ATXN1: variants seen among roughly 807,000 people sequenced by gnomAD.
ATXN1 encodes ataxin 1, also known as ataxin-1.
ATXN1 carries 8 observed loss-of-function variants against 56.4 expected under a neutral mutation model. That is an observed-to-expected ratio of 0.14 (90% CI 0.08 to 0.26). The LOEUF (loss-of-function observed/expected upper bound fraction) is 0.26, where lower values mean the gene tolerates loss of function less well. Ranked by LOEUF, ATXN1 falls within the 10% of genes least tolerant of loss-of-function variation. The probability of loss-of-function intolerance (pLI) is 1.00; values close to 1 mark genes in which losing one functional copy is unlikely to be tolerated. For synonymous variants in ATXN1, 514 were observed against 494.6 expected, an observed-to-expected ratio of 1.04 and a Z score of -0.52; for missense variants, 987 against 1,106.5, an observed-to-expected ratio of 0.89 and a Z score of 1.53.
intron 3 of ATXN1, among the ~76,000 whole-genome samples, chr6:16,591,444 T>C (rs993198088): frequency 2.6e-5 from 4 of 152,226 alleles, no homozygotes; most frequent in Non-Finnish European, 4.4e-5. Flanking sequence ...AAATTTACTA[T>C]TAATTTCATT....
At position 16,596,027 on chromosome 6, in the gene ATXN1, T is replaced by C. The variant is rs142729700; in HGVS notation, c.-488-10120A>G. Among the ~76,000 whole-genome samples, 253 of 152,320 alleles carry C rather than the reference T, an allele frequency of 1.7e-3. 1 individual carries two copies. Among genetic ancestry groups the C allele is most frequent in the African/African-American group, 5.8e-3 (240 of 41,576 alleles). ...GTTTTTTTATTTTTCAGAGACTGAA[T>C]CTAGCTCTGTCACCCAGGCTGTGCA... On this transcript the variant is annotated intron_variant, in intron 3 of 7. Coordinates refer to ENST00000436367, the MANE Select transcript of ATXN1 (RefSeq NM_001128164.2).
chr6:16,508,427 C>T (rs1761020269), intron 5 of ATXN1, among the ~76,000 whole-genome samples: 1 of 152,106 alleles, frequency 6.6e-6, no homozygotes, highest in Non-Finnish European at 1.5e-5. Context: ...TATAGACAAA[C>T]TGGCCAAAAA....
intron 6 of ATXN1, among the ~76,000 whole-genome samples, chr6:16,355,035 C>CCTCT (rs766513391): frequency 6.6e-6 from 1 of 152,224 alleles, no homozygotes; most frequent in Non-Finnish European, 1.5e-5. Flanking sequence ...TTCTTTTTCT[C>CCTCT]CTCTCTTGGT....
chr6:16,713,145 C>CACATT (rs1483181098), intron 2 of ATXN1, among the ~76,000 whole-genome samples: 4 of 152,142 alleles, frequency 2.6e-5, no homozygotes, highest in African/African-American at 9.7e-5. Flanking sequence ...GCCATGTGAG[C>CACATT]ACATTAAACT....
At chr6:16,401,270 C>A (rs1435416044) in intron 6 of ATXN1, among the ~76,000 whole-genome samples, 1 of 152,244 alleles carries the variant, frequency 6.6e-6, no homozygotes, top group Non-Finnish European at 1.5e-5. Context: ...CATGGGAAGT[C>A]ATTAATTGTT....
At chr6:16,592,846 G>T (rs759264263) in intron 3 of ATXN1, among the ~76,000 whole-genome samples, 1 of 133,720 alleles carries the variant, frequency 7.5e-6, no homozygotes, top group African/African-American at 2.9e-5. Flanking sequence ...ATCTGAGCAG[G>T]TTGCACTGGT....
At chr6:16,554,154 A>ACAAAAATAATTTGGGGG (rs1761970315) in intron 4 of ATXN1, among the ~76,000 whole-genome samples, 2 of 152,250 alleles carry the variant, frequency 1.3e-5, no homozygotes, top group Non-Finnish European at 2.9e-5. Flanking sequence ...TAATCGAGGG[A>ACAAAAATAATTTGGGGG]CAAAAATAAT....
intron 4 of ATXN1, among the ~76,000 whole-genome samples, chr6:16,559,371 CAAA>C (rs377598266): frequency 4.4e-5 from 5 of 113,068 alleles, no homozygotes; most frequent in Non-Finnish European, 5.8e-5. Context: ...TGGAAACAAC[CAAA>C]AAAAAAAAAA....
At chr6:16,537,931 C>A (rs751248222) in intron 4 of ATXN1, among the ~76,000 whole-genome samples, 8 of 151,962 alleles carry the variant, frequency 5.3e-5, no homozygotes, top group Non-Finnish European at 2.9e-5. Flanking sequence ...GGTGATACCC[C>A]ATCTCTACTA....
intron 6 of ATXN1, among the ~76,000 whole-genome samples, chr6:16,376,113 A>C (rs573996724): frequency 2.0e-5 from 3 of 152,380 alleles, no homozygotes; most frequent in African/African-American, 7.2e-5. Flanking sequence ...AAATGATTCA[A>C]GAAGATATTC....
rs236943 is a variant in ATXN1, at chr6:16,566,650, A to T, written c.-361+19130T>A. Among the ~76,000 whole-genome samples, 5 of 151,986 alleles carry T rather than the reference A, an allele frequency of 3.3e-5. No homozygotes were observed. The South Asian group carries it at 8.3e-4, about 25-fold the overall frequency. On this transcript the variant is annotated intron_variant, in intron 4 of 7. Transcript: ENST00000436367. ...GGGCGGATCACGAGGTCAGGAGATCAAGACCATCCTGGCGAACACTGTGAA... is the reference window on the plus strand; with the variant it reads ...GGGCGGATCACGAGGTCAGGAGATCTAGACCATCCTGGCGAACACTGTGAA...
intron 3 of ATXN1, among the ~76,000 whole-genome samples, chr6:16,624,519 A>T (rs1561783608): frequency 6.6e-6 from 1 of 152,208 alleles, no homozygotes; most frequent in Non-Finnish European, 1.5e-5. Flanking sequence ...ACTTAAAAGC[A>T]AAAGTGGCGG....
At chr6:16,329,533 A>G (rs747066651) in intron 6 of ATXN1, among the ~76,000 whole-genome samples, 1 of 152,128 alleles carries the variant, frequency 6.6e-6, no homozygotes, top group Non-Finnish European at 1.5e-5. Flanking sequence ...TAAAAACCGA[A>G]TTTGATTATG....
In ATXN1 at chr6:16,469,363, T is replaced by C. The variant is rs117083616; in HGVS notation, c.-161+16609A>G. ...ATTAGTGAAGAACTAGGCAAGGGGTTAAAGAAAGCTTCTAAGATAGGATCT... is the reference window on the plus strand; with the variant it reads ...ATTAGTGAAGAACTAGGCAAGGGGTCAAAGAAAGCTTCTAAGATAGGATCT... On this transcript the variant is annotated intron_variant, in intron 6 of 7. Transcript: ENST00000436367. 1.0e-3 allele frequency among the ~76,000 whole-genome samples: 155 copies of C among 152,342 alleles called. 3 individuals are homozygous for C. In the East Asian group the frequency reaches 0.027, roughly 26 times the overall value.
intron 6 of ATXN1, among the ~76,000 whole-genome samples, chr6:16,372,834 T>G (rs1433213523): frequency 1.3e-5 from 2 of 152,188 alleles, no homozygotes; most frequent in Non-Finnish European, 2.9e-5. Context: ...GAGGATCACT[T>G]GAGCCTGGGA....
chr6:16,585,335 A>G (rs1301910677), intron 4 of ATXN1, among the ~76,000 whole-genome samples: 2 of 152,176 alleles, frequency 1.3e-5, no homozygotes, highest in African/African-American at 4.8e-5. Context: ...TGTTTACTCA[A>G]TGGTATACTA....
intron 2 of ATXN1, among the ~76,000 whole-genome samples, chr6:16,741,507 G>A (rs1208568131): frequency 6.6e-6 from 1 of 152,150 alleles, no homozygotes; most frequent in Admixed American, 6.5e-5. Flanking sequence ...CATTTCTTGA[G>A]ACTTCAGGGC....
intron 6 of ATXN1, chr6:16,485,608 C>G (rs1352857828): frequency 1.3e-5 from 2 of 152,140 alleles, no homozygotes; most frequent in African/African-American, 2.4e-5. Flanking sequence ...CCCCTACTCA[C>G]CAACCTAAAA....
At chr6:16,317,030 G>A (rs773332328) in intron 7 of ATXN1, among the ~76,000 whole-genome samples, 1 of 151,966 alleles carries the variant, frequency 6.6e-6, no homozygotes, top group African/African-American at 2.4e-5. Context: ...TGCTGAGGTC[G>A]TCATGATTTT....
Sources: allele counts gnomAD v4.1 joint callset (sites outside exome capture counted in the v4.1 genomes callset), GRCh38; gene constraint gnomAD v4.1.1; transcripts MANE v1.5; gene names NCBI Gene and HGNC (gene_info 2026-07-23, HGNC 2026-07-21).